The following PLCL1 variants were observed in gnomAD, a reference collection of about 807,000 sequenced individuals.
PLCL1 encodes phospholipase C like 1 (inactive), also known as inactive phospholipase C-like protein 1.
Under a neutral mutation model 84.4 loss-of-function variants are expected in PLCL1, and 41 were observed. The observed-to-expected ratio is 0.49, with a 90% CI of 0.38 to 0.63. The LOEUF is 0.63. PLCL1 is among the 30% of genes least tolerant of loss of function. PLCL1 has a pLI of 0.00. For synonymous variants in PLCL1, 490 were observed against 488.3 expected (o/e 1.00, Z -0.05); for missense variants, 1,206 against 1,367.8 (o/e 0.88, Z 1.87).
chr2:198,059,137 C>T (rs1478440213), intron 1 of PLCL1, among the ~76,000 whole-genome samples: 1 of 152,174 alleles, frequency 6.6e-6, no homozygotes, highest in African/African-American at 2.4e-5. Flanking sequence ...TGGCTACTCT[C>T]CTGTATTCTT....
At chr2:197,870,212 A>G (rs958639617) in intron 1 of PLCL1, among the ~76,000 whole-genome samples, 1 of 152,150 alleles carries the variant, frequency 6.6e-6, no homozygotes, top group African/African-American at 2.4e-5. Context: ...GTAAATGCTA[A>G]GGGGAGCTTT....
chr2:198,071,427 C>T (rs1039585896), intron 1 of PLCL1, among the ~76,000 whole-genome samples: 9 of 151,742 alleles, frequency 5.9e-5, no homozygotes, highest in Non-Finnish European at 1.0e-4. Flanking sequence ...TATTACATTA[C>T]CTTCCAGAAA....
intron 1 of PLCL1, among the ~76,000 whole-genome samples, chr2:197,976,089 C>G (rs1689975414): frequency 6.6e-6 from 1 of 152,178 alleles, no homozygotes; most frequent in Non-Finnish European, 1.5e-5. Flanking sequence ...ATTACAAGTT[C>G]CTGAGCCACA....
chr2:198,057,478 C>T (rs1028086040), intron 1 of PLCL1, among the ~76,000 whole-genome samples: 2 of 151,982 alleles, frequency 1.3e-5, no homozygotes. Context: ...TTCAAAGGTG[C>T]AGAGAGATGA....
intron 5 of PLCL1, among the ~76,000 whole-genome samples, chr2:198,119,783 A>G (rs1421009899): frequency 2.6e-5 from 4 of 151,990 alleles, no homozygotes; most frequent in African/African-American, 7.2e-5. Flanking sequence ...TTTCTCATAC[A>G]AAATCCTGCT....
At chr2:198,076,399 A>C (rs1482398560) in intron 1 of PLCL1, among the ~76,000 whole-genome samples, 1 of 152,224 alleles carries the variant, frequency 6.6e-6, no homozygotes, top group Non-Finnish European at 1.5e-5. Flanking sequence ...TTTATAAATA[A>C]AATTTAATGG....
chr2:197,961,695 C>T (rs888804275), intron 1 of PLCL1, among the ~76,000 whole-genome samples: 2 of 151,902 alleles, frequency 1.3e-5, no homozygotes, highest in Non-Finnish European at 2.9e-5. Context: ...TGGCAGTTAA[C>T]GTCTTTTTTC....
At chr2:197,918,474 A>G (rs2105752399) in intron 1 of PLCL1, among the ~76,000 whole-genome samples, 1 of 152,354 alleles carries the variant, frequency 6.6e-6, no homozygotes, top group East Asian at 1.9e-4. Flanking sequence ...AAAAACATGT[A>G]CCATAATATG....
At chr2:198,126,082 G>A (rs1053947335) in intron 5 of PLCL1, among the ~76,000 whole-genome samples, 6 of 151,352 alleles carry the variant, frequency 4.0e-5, no homozygotes, top group African/African-American at 1.5e-4. Flanking sequence ...GTTTCTAGTG[G>A]GGCTACTCCC....
intron 5 of PLCL1, among the ~76,000 whole-genome samples, chr2:198,110,700 G>A (rs1216449195): frequency 1.3e-5 from 2 of 151,782 alleles, no homozygotes; most frequent in African/African-American, 2.4e-5. Flanking sequence ...CTGTGGAGAG[G>A]GGGCTGTTAG....
chr2:198,091,381 T>G (rs1693027917), intron 3 of PLCL1, among the ~76,000 whole-genome samples: 1 of 152,046 alleles, frequency 6.6e-6, no homozygotes, highest in Admixed American at 6.6e-5. Flanking sequence ...AGATCTGGAG[T>G]GAACATTTAA....
chr2:197,805,315 C>A lies in PLCL1; in HGVS notation c.216C>A (p.Thr72=). The A allele has an allele frequency of 7.6e-7, 1 of 1,307,642 alleles. No homozygotes were observed. The highest frequency in any genetic ancestry group is 2.3e-5 in the South Asian group (1 of 43,260). The allele number at this position is 1,307,642 out of a possible 1,614,324, so 81.0% of individuals were successfully genotyped here. ...EAGLLEAARA[T]PRRSSIIKDP... is the part of the protein sequence containing the mutation. ...GCCTCCTGGAGGCAGCACGGGCGAC[C>A]CCCCGGCGCAGCAGCATCATCAAGG... Residue 72 remains threonine (T), a synonymous_variant, in exon 1 of 6, where the codon ACC becomes ACA. Coordinates refer to ENST00000428675, the MANE Select transcript of PLCL1 (RefSeq NM_006226.4). This position sits in a 1 kb window ranked among gnomAD's most constrained non-coding sequence, Gnocchi z 4.0.
chr2:197,897,835 C>T (rs1242029684), intron 1 of PLCL1, among the ~76,000 whole-genome samples: 1 of 152,124 alleles, frequency 6.6e-6, no homozygotes, highest in African/African-American at 2.4e-5. Flanking sequence ...GCTCTAGTAT[C>T]GCATATCCAA....
chr2:197,986,590 CCT>C (rs1479848361), intron 1 of PLCL1, among the ~76,000 whole-genome samples: 1 of 152,174 alleles, frequency 6.6e-6, no homozygotes, highest in African/African-American at 2.4e-5. Flanking sequence ...CTCAAGCAAT[CCT>C]CCCGCCTCAG....
At chr2:198,137,257 T>C (rs1318030734) in intron 5 of PLCL1, among the ~76,000 whole-genome samples, 1 of 152,178 alleles carries the variant, frequency 6.6e-6, no homozygotes, top group Non-Finnish European at 1.5e-5. Flanking sequence ...CTGGGCAATG[T>C]ATTTTTTTAG....
intron 1 of PLCL1, among the ~76,000 whole-genome samples, chr2:197,974,422 C>T (rs1689927316): frequency 1.3e-5 from 2 of 152,148 alleles, no homozygotes; most frequent in South Asian, 4.1e-4. Flanking sequence ...AAAAAAGAAG[C>T]CCTCCTTTAT....
At chr2:198,091,808 T>C (rs938955669) in intron 3 of PLCL1, among the ~76,000 whole-genome samples, 1 of 152,198 alleles carries the variant, frequency 6.6e-6, no homozygotes, top group Non-Finnish European at 1.5e-5. Flanking sequence ...AATCCTCCAA[T>C]GGGTTCCATT....
intron 1 of PLCL1, among the ~76,000 whole-genome samples, chr2:197,995,404 G>A (rs1431597466): frequency 1.3e-5 from 2 of 152,024 alleles, no homozygotes; most frequent in Non-Finnish European, 2.9e-5. Flanking sequence ...CCTGCTCCAG[G>A]AGCTTGCTAT....
chr2:197,911,168 C>T (rs1438910683), intron 1 of PLCL1, among the ~76,000 whole-genome samples: 1 of 152,018 alleles, frequency 6.6e-6, no homozygotes, highest in Non-Finnish European at 1.5e-5. Flanking sequence ...CATGGGGAAA[C>T]CCCATCTCGA....
Sources: allele counts gnomAD v4.1 joint callset (sites outside exome capture counted in the v4.1 genomes callset), GRCh38; gene constraint gnomAD v4.1.1; non-coding constraint Gnocchi (gnomAD v3.1); transcripts MANE v1.5; gene names NCBI Gene and HGNC (gene_info 2026-07-23, HGNC 2026-07-21).